ERC2: variants seen among roughly 807,000 people sequenced by gnomAD.
The protein encoded by ERC2 is ELKS/RAB6-interacting/CAST family member 2.
Under a neutral mutation model 114.8 loss-of-function variants are expected in ERC2, and 42 were observed. The ratio of observed to expected loss-of-function variants is 0.37; its 90% confidence interval spans 0.29 to 0.47. ERC2 has a LOEUF of 0.47. Among genes scored for constraint, ERC2 ranks in the 20% least tolerant of loss-of-function variants. The pLI, the probability that ERC2 is intolerant of heterozygous loss-of-function variation, is 0.99. For synonymous variants in ERC2, 454 were observed against 425.5 expected (o/e 1.07, Z -0.82); for missense variants, 939 against 1,150.7 (o/e 0.82, Z 2.66).
At chr3:55,958,308 G>A (rs965962616) in intron 12 of ERC2, among the ~76,000 whole-genome samples, 9 of 152,224 alleles carry the variant, frequency 5.9e-5, no homozygotes, top group African/African-American at 1.9e-4. Context: ...CCCAACATCT[G>A]TGTGAATCTG....
intron 17 of ERC2, among the ~76,000 whole-genome samples, chr3:55,654,464 C>T (rs1188668990): frequency 6.6e-6 from 1 of 152,234 alleles, no homozygotes; most frequent in African/African-American, 2.4e-5. Context: ...TATAGGCCAA[C>T]AATTTATTTA....
intron 1 of ERC2, among the ~76,000 whole-genome samples, chr3:56,440,247 C>T (rs2062224824): frequency 6.6e-6 from 1 of 152,126 alleles, no homozygotes; most frequent in South Asian, 2.1e-4. Context: ...AGAACACACA[C>T]ATAAAACTGA....
chr3:55,774,116 A>G (rs2068427922), intron 14 of ERC2, among the ~76,000 whole-genome samples: 1 of 152,134 alleles, frequency 6.6e-6, no homozygotes, highest in African/African-American at 2.4e-5. Context: ...CATTCAACAC[A>G]CACTTTTAAT....
chr3:55,519,740 G>C (rs889876716), intron 17 of ERC2, among the ~76,000 whole-genome samples: 2 of 152,106 alleles, frequency 1.3e-5, no homozygotes, highest in African/African-American at 4.8e-5. Context: ...TCCTAGTTAA[G>C]GGTAAATTTA....
chr3:56,123,304 G>C (rs2079686726), intron 6 of ERC2, among the ~76,000 whole-genome samples: 1 of 152,092 alleles, frequency 6.6e-6, no homozygotes. Context: ...TTGCAAAAGA[G>C]ACCCTACAGA....
At chr3:56,376,799 C>G (rs997533720) in intron 2 of ERC2, among the ~76,000 whole-genome samples, 2 of 151,802 alleles carry the variant, frequency 1.3e-5, no homozygotes, top group Non-Finnish European at 2.9e-5. Context: ...AAGAAAGTCC[C>G]TCTTTTGGCA....
chr3:56,231,201 C>T (rs1466629396), intron 3 of ERC2, among the ~76,000 whole-genome samples: 2 of 152,188 alleles, frequency 1.3e-5, no homozygotes, highest in East Asian at 1.9e-4. Flanking sequence ...AACTGTGGTG[C>T]TCCAATACCC....
chr3:55,819,028 A>T (rs143368758), intron 14 of ERC2, among the ~76,000 whole-genome samples: 1 of 152,270 alleles, frequency 6.6e-6, no homozygotes, highest in East Asian at 1.9e-4. Flanking sequence ...CACTCCATAG[A>T]AATTCATTTT....
At chr3:55,945,093 T>G (rs1273126448) in intron 13 of ERC2, among the ~76,000 whole-genome samples, 1 of 152,200 alleles carries the variant, frequency 6.6e-6, no homozygotes, top group East Asian at 1.9e-4. Context: ...AAACAAATCA[T>G]GATGTTAAAT....
At position 55,890,036 on chromosome 3, in the gene ERC2, A is replaced by G. The variant is rs114023222; in HGVS notation, c.2404-1487T>C. Among the ~76,000 whole-genome samples, 898 of 152,356 alleles carry G rather than the reference A, an allele frequency of 5.9e-3. 9 individuals are homozygous for G. The highest frequency in any genetic ancestry group is 0.021 in the African/African-American group (859 of 41,568). On this transcript the variant is annotated intron_variant, in intron 13 of 17. Coordinates refer to ENST00000288221, the MANE Select transcript of ERC2 (RefSeq NM_015576.3). ...CCAAAAAGAGTTTAAAAAGCAAGGA[A>G]TATAAAGAATAACCTATGAAAGTGA... is the stretch of plus-strand genomic sequence containing the variant.
At chr3:55,553,962 A>T (rs2055415192) in intron 17 of ERC2, among the ~76,000 whole-genome samples, 2 of 152,184 alleles carry the variant, frequency 1.3e-5, no homozygotes, top group African/African-American at 2.4e-5. Context: ...ATTTTATTAA[A>T]ATTTCCAAAT....
chr3:55,652,307 A>AAAC lies in ERC2; in HGVS notation c.*39+31486_*39+31487insGTT, dbSNP rs2060659572. Among the ~76,000 whole-genome samples, 4 of 152,218 alleles carry AAAC rather than the reference A, an allele frequency of 2.6e-5. 1 individual carries two copies. The highest frequency in any genetic ancestry group is 5.9e-5 in the Non-Finnish European group (4 of 68,038). Reference sequence around the variant, plus strand: ...ACCTGAGGCATTCTGGAACAGTTTTAGTTGACTATTGACTTTTGACATTAG... The same window carrying AAAC: ...ACCTGAGGCATTCTGGAACAGTTTTAAACGTTGACTATTGACTTTTGACATTAG... On this transcript the variant is annotated intron_variant, in intron 17 of 17. Coordinates refer to ENST00000288221, the MANE Select transcript of ERC2 (RefSeq NM_015576.3).
chr3:55,944,971 C>G (rs1382468788), intron 13 of ERC2, among the ~76,000 whole-genome samples: 1 of 152,162 alleles, frequency 6.6e-6, no homozygotes, highest in African/African-American at 2.4e-5. Context: ...AGGGTCAGTT[C>G]ATATTTCAAC....
intron 14 of ERC2, among the ~76,000 whole-genome samples, chr3:55,776,887 C>G (rs887232835): frequency 1.3e-5 from 2 of 152,130 alleles, no homozygotes; most frequent in Non-Finnish European, 2.9e-5. Flanking sequence ...TATTAGTATT[C>G]GTTGTAGTTT....
intron 14 of ERC2, among the ~76,000 whole-genome samples, chr3:55,825,958 A>C (rs1309860015): frequency 6.6e-6 from 1 of 151,730 alleles, no homozygotes; most frequent in Non-Finnish European, 1.5e-5. Flanking sequence ...AACAAAACAA[A>C]AGAAGGAAGG....
intron 16 of ERC2, among the ~76,000 whole-genome samples, chr3:55,688,872 G>A (rs2062477285): frequency 6.6e-6 from 1 of 152,136 alleles, no homozygotes; most frequent in African/African-American, 2.4e-5. Context: ...ATGCTTCCTG[G>A]ATTCCCAGAG....
chr3:55,622,511 A>G (rs900903262), intron 17 of ERC2, among the ~76,000 whole-genome samples: 5 of 152,180 alleles, frequency 3.3e-5, no homozygotes, highest in African/African-American at 1.2e-4. Flanking sequence ...AAAATATATC[A>G]TAGCATTTGA....
chr3:56,027,831 G>A (rs1005582207), intron 7 of ERC2, among the ~76,000 whole-genome samples: 1 of 152,024 alleles, frequency 6.6e-6, no homozygotes, highest in Non-Finnish European at 1.5e-5. Flanking sequence ...TTCCTTTCAT[G>A]GATCATACTT....
At chr3:56,001,622 T>C (rs1194616304) in intron 10 of ERC2, among the ~76,000 whole-genome samples, 1 of 152,134 alleles carries the variant, frequency 6.6e-6, no homozygotes, top group Admixed American at 6.6e-5. Context: ...TAAAAGTTGA[T>C]GATGCCATGT....
Sources: allele counts gnomAD v4.1 joint callset (sites outside exome capture counted in the v4.1 genomes callset), GRCh38; gene constraint gnomAD v4.1.1; transcripts MANE v1.5; gene names NCBI Gene and HGNC (gene_info 2026-07-23, HGNC 2026-07-21).